Variants in SLC2A13 observed in about 807,000 individuals in gnomAD.
The protein encoded by SLC2A13 is solute carrier family 2 member 13.
A neutral mutation model predicts 64.4 loss-of-function variants in SLC2A13; 32 were observed. The ratio of observed to expected loss-of-function variants is 0.50; its 90% CI spans 0.37 to 0.67. The LOEUF (loss-of-function observed/expected upper bound fraction) is 0.67, where lower values mean the gene tolerates loss of function less well. Among genes scored for constraint, SLC2A13 ranks in the 30% least tolerant of loss-of-function variants. SLC2A13 has a pLI of 0.00. For synonymous variants in SLC2A13, 338 were observed against 327.1 expected (o/e 1.03, Z -0.36); for missense variants, 743 against 829.2 (o/e 0.90, Z 1.28).
chr12:40,038,765 A>AGGGGAG (rs2136227508), intron 2 of SLC2A13, among the ~76,000 whole-genome samples: 1 of 53,106 alleles, frequency 1.9e-5, no homozygotes, highest in East Asian at 9.4e-4. Context: ...AAAAAGGGAA[A>AGGGGAG]GGGAAGGGGA....
chr12:40,061,555 A>G (rs1045480703), intron 1 of SLC2A13, among the ~76,000 whole-genome samples: 2 of 152,140 alleles, frequency 1.3e-5, no homozygotes, highest in African/African-American at 2.4e-5. Flanking sequence ...TTTACATTCT[A>G]TTAGGCACGG....
chr12:39,928,921 C>A (rs1443337390), intron 4 of SLC2A13, among the ~76,000 whole-genome samples: 1 of 152,160 alleles, frequency 6.6e-6, no homozygotes, highest in Non-Finnish European at 1.5e-5. Context: ...GACTGGTTGA[C>A]AATCCTTGTA....
Position 39,829,942 on chromosome 12 carries a change from C to T in SLC2A13, c.1445+161G>A, listed in dbSNP as rs1454261975. The T allele has an allele frequency of 4.5e-6, 4 of 898,220 alleles. No individual in the cohort carries two copies. The East Asian group carries it at 1.1e-4, about 25-fold the overall frequency. 55.6% of individuals were successfully genotyped at this position (898,220 alleles called of 1,614,324 possible). ...CTACTCTGTGTGAAACACACAATTG[C>T]AATGCTTTGCATCCACTATCACCAG... On this transcript the variant is annotated intron_variant, in intron 7 of 9. Transcript: ENST00000280871.
intron 4 of SLC2A13, among the ~76,000 whole-genome samples, chr12:39,878,947 A>G (rs1944268771): frequency 6.6e-6 from 1 of 152,218 alleles, no homozygotes; most frequent in Non-Finnish European, 1.5e-5. Context: ...GCCAGCCCAG[A>G]GCCTACTGCC....
chr12:39,877,117 G>A (rs984746959), intron 4 of SLC2A13, among the ~76,000 whole-genome samples: 2 of 152,110 alleles, frequency 1.3e-5, no homozygotes, highest in African/African-American at 4.8e-5. Flanking sequence ...CCTATTGGGA[G>A]ACTGTTTGTA....
intron 3 of SLC2A13, among the ~76,000 whole-genome samples, chr12:39,972,791 G>C (rs1338934419): frequency 6.6e-6 from 1 of 152,176 alleles, no homozygotes; most frequent in Non-Finnish European, 1.5e-5. Context: ...CACCAGGCTG[G>C]GCATAGTGGC....
intron 2 of SLC2A13, among the ~76,000 whole-genome samples, chr12:40,031,802 T>C (rs28370830): frequency 0.029 from 4,353 of 152,260 alleles, 181 homozygotes; most frequent in Admixed American, 0.11. Flanking sequence ...AGAGGCTGTT[T>C]TGCTGTGGTA....
intron 4 of SLC2A13, among the ~76,000 whole-genome samples, chr12:39,894,744 T>C (rs1798447641): frequency 6.6e-6 from 1 of 152,022 alleles, no homozygotes; most frequent in Non-Finnish European, 1.5e-5. Context: ...CATTGGTAAA[T>C]ACCGGCTTTG....
chr12:39,926,525 C>T (rs1315857675), intron 4 of SLC2A13, among the ~76,000 whole-genome samples: 2 of 152,164 alleles, frequency 1.3e-5, no homozygotes, highest in African/African-American at 2.4e-5. Context: ...TGTGCTGTAT[C>T]GCCCACTGGT....
intron 7 of SLC2A13, among the ~76,000 whole-genome samples, chr12:39,766,916 C>T (rs1217357288): frequency 6.6e-6 from 1 of 152,032 alleles, no homozygotes; most frequent in Admixed American, 6.6e-5. Flanking sequence ...TACTTTCTCC[C>T]CTAAAGTCTT....
chr12:39,958,492 A>C (rs549825220), intron 3 of SLC2A13, among the ~76,000 whole-genome samples: 1 of 152,266 alleles, frequency 6.6e-6, no homozygotes, highest in South Asian at 2.1e-4. Context: ...GTTCAATAAG[A>C]AGCCTAATAT....
intron 1 of SLC2A13, among the ~76,000 whole-genome samples, chr12:40,054,856 A>G (rs1220416455): frequency 6.6e-6 from 1 of 152,228 alleles, no homozygotes; most frequent in African/African-American, 2.4e-5. Context: ...TCAGCATGAT[A>G]AGCCAGGCAA....
chr12:39,901,947 G>A (rs1393137115), intron 4 of SLC2A13, among the ~76,000 whole-genome samples: 1 of 152,030 alleles, frequency 6.6e-6, no homozygotes, highest in Non-Finnish European at 1.5e-5. Context: ...CAACCAAAAT[G>A]TCCATCAATG....
intron 3 of SLC2A13, among the ~76,000 whole-genome samples, chr12:39,974,730 T>G (rs1451988150): frequency 6.6e-6 from 1 of 152,214 alleles, no homozygotes; most frequent in Non-Finnish European, 1.5e-5. Flanking sequence ...GGGGCAATGA[T>G]GAATATCACT....
intron 4 of SLC2A13, among the ~76,000 whole-genome samples, chr12:39,875,597 C>A (rs1944163380): frequency 6.6e-6 from 1 of 152,004 alleles, no homozygotes; most frequent in Non-Finnish European, 1.5e-5. Context: ...TAAGCAAAAG[C>A]CAACAGTTAT....
At chr12:40,007,872 A>G (rs547112083) in intron 3 of SLC2A13, among the ~76,000 whole-genome samples, 42 of 152,330 alleles carry the variant, frequency 2.8e-4, no homozygotes, top group African/African-American at 9.9e-4. Context: ...AAGAAGGAAG[A>G]TATCGTTTAC....
chr12:40,009,367 T>G (rs1394512685), intron 3 of SLC2A13, among the ~76,000 whole-genome samples: 1 of 152,230 alleles, frequency 6.6e-6, no homozygotes, highest in Non-Finnish European at 1.5e-5. Flanking sequence ...CTTTAAACTG[T>G]TAGATAATAT....
intron 3 of SLC2A13, among the ~76,000 whole-genome samples, chr12:39,984,274 A>G (rs893436113): frequency 1.9e-4 from 29 of 152,054 alleles, no homozygotes; most frequent in Non-Finnish European, 2.9e-4. Flanking sequence ...GCACATGTAT[A>G]CATATGTAAC....
At chr12:39,898,922 G>T (rs1281612801) in intron 4 of SLC2A13, among the ~76,000 whole-genome samples, 2 of 152,200 alleles carry the variant, frequency 1.3e-5, no homozygotes, top group African/African-American at 2.4e-5. Flanking sequence ...AGAAGGAAAA[G>T]AAGAGTGATC....
Sources: gnomAD v4.1 joint callset for allele counts (sites outside exome capture counted in the v4.1 genomes callset) on GRCh38, gnomAD v4.1.1 for gene constraint, MANE v1.5 for transcripts, NCBI Gene and HGNC (gene_info 2026-07-23, HGNC 2026-07-21) for gene names.